EXOC2: variants seen among roughly 807,000 people sequenced by gnomAD.
EXOC2 encodes SEC5-like 1.
EXOC2 carries 70 observed loss-of-function variants against 131.8 expected under a neutral mutation model. The ratio of observed to expected loss-of-function variants is 0.53; its 90% CI spans 0.44 to 0.65. EXOC2 has a LOEUF of 0.65. Among genes scored for constraint, EXOC2 ranks in the 30% least tolerant of loss-of-function variants. EXOC2 has a pLI of 0.00. For synonymous variants in EXOC2, 411 were observed against 398.4 expected, an observed-to-expected ratio of 1.03 and a Z score of -0.38; for missense variants, 923 against 1,108.6, an observed-to-expected ratio of 0.83 and a Z score of 2.38.
chr6:687,377 C>G (rs1256469502), intron 1 of EXOC2, among the ~76,000 whole-genome samples: 1 of 151,638 alleles, frequency 6.6e-6, no homozygotes, highest in Non-Finnish European at 1.5e-5. Flanking sequence ...GAAAAGGGGC[C>G]TCATTATGTT....
At chr6:571,878 G>C (rs1441164184) in intron 13 of EXOC2, among the ~76,000 whole-genome samples, 4 of 152,194 alleles carry the variant, frequency 2.6e-5, no homozygotes. Context: ...GCGCACTTGA[G>C]GTGAGGTTAG....
intron 1 of EXOC2, among the ~76,000 whole-genome samples, chr6:648,894 G>T (rs954233771): frequency 6.6e-6 from 1 of 150,976 alleles, no homozygotes; most frequent in Non-Finnish European, 1.5e-5. Flanking sequence ...CCTAATTTTT[G>T]TTATATTTTT....
chr6:572,743 A>G, intron 12 of EXOC2, 99 bp from the exon 13 acceptor site: 1 of 1,424,374 alleles, frequency 7.0e-7, no homozygotes, highest in South Asian at 1.3e-5. Flanking sequence ...GCAAAACTCC[A>G]ACATGCACTA....
intron 3 of EXOC2, among the ~76,000 whole-genome samples, chr6:631,411 A>ATG (rs1561948065): frequency 7.2e-5 from 11 of 152,062 alleles, no homozygotes; most frequent in Non-Finnish European, 1.5e-4. Flanking sequence ...GGTGGCACGC[A>ATG]CCTGTAATCC....
chr6:653,717 T>C (rs1762933391), intron 1 of EXOC2, among the ~76,000 whole-genome samples: 2 of 152,208 alleles, frequency 1.3e-5, no homozygotes, highest in African/African-American at 4.8e-5. Flanking sequence ...TATTATAAGA[T>C]CACTGATGAA....
chr6:641,071 A>C (rs914761933), intron 1 of EXOC2, among the ~76,000 whole-genome samples: 2 of 152,198 alleles, frequency 1.3e-5, no homozygotes, highest in Non-Finnish European at 2.9e-5. Flanking sequence ...GTAACTGACC[A>C]CCGGTTTAAA....
chr6:613,470 C>CA (rs3839496), intron 6 of EXOC2, among the ~76,000 whole-genome samples: 13,756 of 152,042 alleles, frequency 0.09, 1,063 homozygotes, highest in African/African-American at 0.21. Flanking sequence ...AAAAAAACAA[C>CA]AAAAAAAGAG....
rs749171091 is a variant in EXOC2 at position 633,133 on chromosome 6, T to G, written c.119-16A>C. 1.2e-6 allele frequency: 2 copies of G among 1,607,850 alleles called. No individual in the cohort carries two copies. Among genetic ancestry groups the G allele is most frequent in the South Asian group, 2.2e-5 (2 of 90,636 alleles). On this transcript the variant is annotated splice_polypyrimidine_tract_variant and intron_variant, in intron 2 of 27. Transcript: ENST00000230449. ...ATGGTCAAGCCTGAAAATAAACGCATGTGCATAACAAAATTCAAAGACAAG... is the reference window on the plus strand; with the variant it reads ...ATGGTCAAGCCTGAAAATAAACGCAGGTGCATAACAAAATTCAAAGACAAG...
intron 23 of EXOC2, among the ~76,000 whole-genome samples, chr6:521,199 T>A (rs1467741619): frequency 7.6e-5 from 11 of 145,618 alleles, no homozygotes; most frequent in Admixed American, 2.1e-4. Context: ...ATACTCACCG[T>A]CCACACTCGG....
intron 1 of EXOC2, among the ~76,000 whole-genome samples, chr6:643,609 T>TTTAA (rs1470897546): frequency 6.6e-6 from 1 of 151,160 alleles, no homozygotes; most frequent in Non-Finnish European, 1.5e-5. Flanking sequence ...TTCCACCTTT[T>TTTAA]AAAAAAAAAA....
At chr6:522,083 T>C (rs1319340897) in intron 23 of EXOC2, among the ~76,000 whole-genome samples, 3 of 152,236 alleles carry the variant, frequency 2.0e-5, no homozygotes, top group African/African-American at 7.2e-5. Context: ...AATAAATCTA[T>C]TACTGGATGC....
rs76305776 is a variant in EXOC2 at position 498,125 on chromosome 6, T to G, written c.2437-636A>C. Reference sequence around the variant, plus strand: ...AGTAAATCATATTTTCTTTTTAAGCTTTTCCTTTTTTCAGATTGAGCCACT... The same window carrying G: ...AGTAAATCATATTTTCTTTTTAAGCGTTTCCTTTTTTCAGATTGAGCCACT... On this transcript the variant is annotated intron_variant, in intron 24 of 27. Coordinates refer to ENST00000230449, the MANE Select transcript of EXOC2 (RefSeq NM_018303.6). Among the ~76,000 whole-genome samples, 3 of 152,360 alleles carry G rather than the reference T, an allele frequency of 2.0e-5. No individual in the cohort carries two copies. In the East Asian group the frequency reaches 5.8e-4, roughly 29 times the overall value.
chr6:543,847 C>T (rs1267119315), intron 22 of EXOC2, among the ~76,000 whole-genome samples: 2 of 152,044 alleles, frequency 1.3e-5, no homozygotes, highest in African/African-American at 2.4e-5. Context: ...TTTGAAATCT[C>T]GATGGAAACT....
intron 23 of EXOC2, among the ~76,000 whole-genome samples, chr6:515,728 CG>C (rs1765122139): frequency 6.7e-6 from 1 of 148,866 alleles, no homozygotes. Flanking sequence ...AAAGGAGAGA[CG>C]CACACAGCTG....
At chr6:520,929 C>T (rs111958349) in intron 23 of EXOC2, among the ~76,000 whole-genome samples, 825 of 12,094 alleles carry the variant, frequency 0.068, no homozygotes, top group South Asian at 0.078. Context: ...TCACCACCCA[C>T]CGAGCGCCAA....
At position 567,423 on chromosome 6, in the gene EXOC2, T is replaced by C. The variant is rs1160302460; in HGVS notation, c.1444-2494A>G. Among the ~76,000 whole-genome samples the C allele has an allele frequency of 2.0e-5, 3 of 152,240 alleles. No homozygotes were observed. The East Asian group carries it at 5.8e-4, about 29-fold the overall frequency. On this transcript the variant is annotated intron_variant, in intron 13 of 27. Transcript: ENST00000230449. ...CCAACCCATTGCTGATATTCTGTCTTACAACCCTATTTGTTTCTTTTATAG... is the reference window on the plus strand; with the variant it reads ...CCAACCCATTGCTGATATTCTGTCTCACAACCCTATTTGTTTCTTTTATAG...
At chr6:607,365 T>C (rs1021154562) in intron 7 of EXOC2, among the ~76,000 whole-genome samples, 8 of 152,336 alleles carry the variant, frequency 5.3e-5, no homozygotes, top group South Asian at 2.1e-4. Context: ...TTAGTTTTTT[T>C]CATCAATAAA....
chr6:649,619 C>G (rs1388571004), intron 1 of EXOC2, among the ~76,000 whole-genome samples: 1 of 152,178 alleles, frequency 6.6e-6, no homozygotes, highest in Non-Finnish European at 1.5e-5. Context: ...CTAGGAGGGT[C>G]CTTATGGAAA....
At chr6:533,754 T>C (rs1766251030) in intron 22 of EXOC2, among the ~76,000 whole-genome samples, 1 of 151,996 alleles carries the variant, frequency 6.6e-6, no homozygotes, top group African/African-American at 2.4e-5. Flanking sequence ...GTCTGGGGTG[T>C]GGAGAGTCTG....
Sources: gnomAD v4.1 joint callset for allele counts (sites outside exome capture counted in the v4.1 genomes callset) on GRCh38, gnomAD v4.1.1 for gene constraint, MANE v1.5 for transcripts, NCBI Gene and HGNC (gene_info 2026-07-23, HGNC 2026-07-21) for gene names.